MEMO1: variants seen among roughly 807,000 people sequenced by gnomAD.
The protein encoded by MEMO1 is mediator of cell motility 1, also known as protein MEMO1.
A neutral mutation model predicts 45.2 loss-of-function variants in MEMO1; 6 were observed. The ratio of observed to expected loss-of-function variants is 0.13; its 90% CI spans 0.07 to 0.26. The LOEUF is 0.26. Ranked by LOEUF, MEMO1 falls within the 10% of genes least tolerant of loss-of-function variation. The pLI is 1.00. For synonymous variants in MEMO1, 78 were observed against 124.3 expected (o/e 0.63, Z 2.48); for missense variants, 184 against 370.5 (o/e 0.50, Z 4.13).
intron 2 of MEMO1, among the ~76,000 whole-genome samples, chr2:31,950,776 A>G (rs934802013): frequency 2.6e-5 from 4 of 152,122 alleles, no homozygotes; most frequent in African/African-American, 9.7e-5. Flanking sequence ...TTTAAAAAAC[A>G]AAAAAATACT....
At chr2:31,933,349 ATTTATATATAT>A (rs1244012291) in intron 3 of MEMO1, among the ~76,000 whole-genome samples, 3 of 19,304 alleles carry the variant, frequency 1.6e-4, no homozygotes, top group African/African-American at 7.2e-4. Context: ...AAAAAAAAAA[ATTTATATATAT>A]ATATATATAT....
At chr2:31,997,583 A>T (rs1325211673) in intron 2 of MEMO1, among the ~76,000 whole-genome samples, 1 of 152,222 alleles carries the variant, frequency 6.6e-6, no homozygotes, top group Non-Finnish European at 1.5e-5. Flanking sequence ...CATCAGTCAG[A>T]ATTAGTCAAT....
chr2:32,007,358 A>G (rs1674227226), intron 2 of MEMO1, among the ~76,000 whole-genome samples: 1 of 152,188 alleles, frequency 6.6e-6, no homozygotes, highest in African/African-American at 2.4e-5. Context: ...TAGTCCTAAA[A>G]GCACATCTCA....
At chr2:31,940,660 A>T (rs564607301) in intron 3 of MEMO1, among the ~76,000 whole-genome samples, 1 of 152,110 alleles carries the variant, frequency 6.6e-6, no homozygotes, top group Non-Finnish European at 1.5e-5. Flanking sequence ...TCCTCCCTCC[A>T]TCTACCAAGT....
chr2:32,010,596 C>A (rs1170770483), intron 1 of MEMO1: 2 of 176,322 alleles, frequency 1.1e-5, no homozygotes, highest in Non-Finnish European at 2.4e-5. Context: ...CCGAGCCGCC[C>A]CCACGGCCCC....
In MEMO1 at chr2:31,951,355, T is replaced by C. The variant is rs191132349; in HGVS notation, c.62-7972A>G. Among the ~76,000 whole-genome samples the C allele has an allele frequency of 1.1e-3, 163 of 152,282 alleles. 1 individual carries two copies. Among genetic ancestry groups the C allele is most frequent in the African/African-American group, 3.9e-3 (161 of 41,576 alleles). On this transcript the variant is annotated intron_variant, in intron 2 of 9. Coordinates refer to ENST00000404530, the MANE Select transcript of MEMO1 (RefSeq NM_001301833.4). ...ACATATTAAAATTCATGAAATATAC[T>C]ACCACTATGAAAACCCCACTCACTA...
At chr2:31,940,855 T>A (rs1261156597) in intron 3 of MEMO1, among the ~76,000 whole-genome samples, 1 of 152,052 alleles carries the variant, frequency 6.6e-6, no homozygotes, top group Non-Finnish European at 1.5e-5. Flanking sequence ...TGACTCTTCT[T>A]CTCTCTATCT....
At chr2:31,890,233 GC>G (rs1305039389) in intron 7 of MEMO1, among the ~76,000 whole-genome samples, 1 of 152,088 alleles carries the variant, frequency 6.6e-6, no homozygotes, top group Non-Finnish European at 1.5e-5. Flanking sequence ...TAGAGAGAAA[GC>G]CCAGGTTCTA....
At chr2:31,983,969 G>T (rs746649414) in intron 2 of MEMO1, among the ~76,000 whole-genome samples, 1 of 152,186 alleles carries the variant, frequency 6.6e-6, no homozygotes, top group Non-Finnish European at 1.5e-5. Context: ...AATAGTGTGG[G>T]ATTGGATTAC....
At chr2:32,009,456 A>G (rs1198311683) in intron 2 of MEMO1, among the ~76,000 whole-genome samples, 1 of 151,972 alleles carries the variant, frequency 6.6e-6, no homozygotes, top group Non-Finnish European at 1.5e-5. Context: ...CCTCTGACAG[A>G]TCTCCCCATG....
intron 6 of MEMO1, among the ~76,000 whole-genome samples, chr2:31,915,535 T>C (rs1681309326): frequency 6.6e-6 from 1 of 151,942 alleles, no homozygotes; most frequent in Non-Finnish European, 1.5e-5. Context: ...CTTCTGGTTT[T>C]ACTCTCTTGA....
chr2:31,960,654 T>C (rs1667906944), intron 2 of MEMO1, among the ~76,000 whole-genome samples: 1 of 152,196 alleles, frequency 6.6e-6, no homozygotes, highest in African/African-American at 2.4e-5. Flanking sequence ...GGTGTGATCT[T>C]GGCTCACTGC....
chr2:31,921,738 T>C (rs1267813051), intron 4 of MEMO1, among the ~76,000 whole-genome samples: 1 of 152,170 alleles, frequency 6.6e-6, no homozygotes, highest in Non-Finnish European at 1.5e-5. Context: ...GCTATTTCCA[T>C]ATTTCTTCCA....
At chr2:31,925,035 A>C (rs1682873172) in intron 4 of MEMO1, among the ~76,000 whole-genome samples, 1 of 152,152 alleles carries the variant, frequency 6.6e-6, no homozygotes, top group Non-Finnish European at 1.5e-5. Context: ...ATGCCCTAGC[A>C]AATTAGCTAT....
chr2:31,994,449 G>T (rs1209984396), intron 2 of MEMO1, among the ~76,000 whole-genome samples: 1 of 150,660 alleles, frequency 6.6e-6, no homozygotes. Flanking sequence ...GGCCAACATG[G>T]TGAAACCCCA....
chr2:31,983,971 T>C (rs377256245), intron 2 of MEMO1, among the ~76,000 whole-genome samples: 7 of 152,208 alleles, frequency 4.6e-5, no homozygotes, highest in Non-Finnish European at 1.0e-4. Context: ...TAGTGTGGGA[T>C]TGGATTACCT....
rs747592171 is a variant in MEMO1 at position 32,010,248 on chromosome 2, C to T, written c.-1G>A. 3.3e-5 allele frequency: 50 copies of T among 1,505,370 alleles called. No homozygotes were observed. Among genetic ancestry groups the T allele is most frequent in the Non-Finnish European group, 3.9e-5 (44 of 1,121,540 alleles). The allele number at this position is 1,505,370 out of a possible 1,614,324, so 93.3% of individuals were successfully genotyped here. A position where few individuals can be genotyped will look rare whatever the true frequency, so the allele number is the denominator to read the frequency against. On this transcript the variant is annotated 5_prime_UTR_variant, in exon 2 of 10. Transcript: ENST00000404530. ...CTCGGCAGACCACTCGGTTGGACATCTTGGTGCCTGTGCCGCCTATGGTGC... is the reference window on the plus strand; with the variant it reads ...CTCGGCAGACCACTCGGTTGGACATTTTGGTGCCTGTGCCGCCTATGGTGC...
At chr2:31,997,492 A>G (rs1672751033) in intron 2 of MEMO1, among the ~76,000 whole-genome samples, 1 of 152,146 alleles carries the variant, frequency 6.6e-6, no homozygotes, top group Non-Finnish European at 1.5e-5. Flanking sequence ...ACAGATGTTG[A>G]ACCATTTTCA....
In MEMO1 at chr2:31,972,023, G is replaced by C. The variant is rs1345743402; in HGVS notation, c.62-28640C>G. On this transcript the variant is annotated intron_variant, in intron 2 of 9. Transcript: ENST00000404530. ...TATAACTAAAACCAAGCATGTGGAA[G>C]ATTCAATAATATAAAATTATATCAA... Among the ~76,000 whole-genome samples, 6 of 152,120 alleles carry C rather than the reference G, an allele frequency of 3.9e-5. No homozygotes were observed. In the South Asian group the frequency reaches 6.2e-4, roughly 16 times the overall value.
Sources: gnomAD v4.1 joint callset for allele counts (sites outside exome capture counted in the v4.1 genomes callset) on GRCh38, gnomAD v4.1.1 for gene constraint, MANE v1.5 for transcripts, NCBI Gene and HGNC (gene_info 2026-07-23, HGNC 2026-07-21) for gene names.